CEP112: variants seen among roughly 807,000 people sequenced by gnomAD.
CEP112 encodes the protein centrosomal protein 112, also known as centrosomal protein of 112 kDa.
A neutral mutation model predicts 153.0 loss-of-function variants in CEP112; 127 were observed. The observed-to-expected ratio is 0.83, with a 90% CI of 0.72 to 0.96. CEP112 has a LOEUF of 0.96. Among genes scored for constraint, CEP112 ranks in the 40% least tolerant of loss-of-function variants. The pLI, the probability that CEP112 is intolerant of heterozygous loss-of-function variation, is 0.00. For missense variants in CEP112, 1,089 were observed against 1,101.2 expected (o/e 0.99, Z 0.16); for synonymous variants, 358 against 374.4 (o/e 0.96, Z 0.51).
chr17:65,954,372 C>A (rs2061937889), intron 18 of CEP112, among the ~76,000 whole-genome samples: 1 of 152,062 alleles, frequency 6.6e-6, no homozygotes, highest in Admixed American at 6.6e-5. Flanking sequence ...AGCAGCAAAC[C>A]CCAGATCTTC....
chr17:66,035,968 T>C (rs945818642), intron 12 of CEP112, among the ~76,000 whole-genome samples: 3 of 152,094 alleles, frequency 2.0e-5, no homozygotes, highest in African/African-American at 7.2e-5. Flanking sequence ...ACAATGTAAA[T>C]GTCCATGGAT....
chr17:65,681,437 G>C (rs1487556382), intron 24 of CEP112, among the ~76,000 whole-genome samples: 1 of 151,284 alleles, frequency 6.6e-6, no homozygotes, highest in Non-Finnish European at 1.5e-5. Flanking sequence ...TCTGCATCAA[G>C]ACGACTCTGA....
chr17:66,170,383 T>C (rs896539046), intron 4 of CEP112, among the ~76,000 whole-genome samples: 1 of 152,202 alleles, frequency 6.6e-6, no homozygotes, highest in African/African-American at 2.4e-5. Flanking sequence ...TATACATGCA[T>C]GAGATCTAAG....
At chr17:66,055,035 G>A (rs978672252) in intron 11 of CEP112, among the ~76,000 whole-genome samples, 1 of 152,148 alleles carries the variant, frequency 6.6e-6, no homozygotes, top group Non-Finnish European at 1.5e-5. Flanking sequence ...TGGGATTACA[G>A]GTGTGAGCCA....
intron 8 of CEP112, among the ~76,000 whole-genome samples, chr17:66,092,314 A>G (rs1179716084): frequency 1.3e-5 from 2 of 150,070 alleles, no homozygotes; most frequent in Non-Finnish European, 3.0e-5. Context: ...TGCTGGGATT[A>G]CAGGTGTGAG....
chr17:66,092,356 A>AACACACAC (rs3056819), intron 8 of CEP112, among the ~76,000 whole-genome samples: 27,690 of 134,890 alleles, frequency 0.21, 3,496 homozygotes, highest in African/African-American at 0.34. Context: ...CATTAATTTA[A>AACACACAC]ACACACACAC....
At chr17:65,761,982 G>A (rs2052642522) in intron 21 of CEP112, among the ~76,000 whole-genome samples, 2 of 152,200 alleles carry the variant, frequency 1.3e-5, no homozygotes, top group South Asian at 4.1e-4. Context: ...ATTTATGATA[G>A]TGGGTATTAA....
chr17:65,990,340 G>A (rs2063551439), intron 17 of CEP112, among the ~76,000 whole-genome samples: 1 of 152,200 alleles, frequency 6.6e-6, no homozygotes. Flanking sequence ...ACTCAGGTGA[G>A]CAATCACAGT....
At chr17:65,675,059 C>T (rs945826316) in intron 24 of CEP112, among the ~76,000 whole-genome samples, 6 of 152,184 alleles carry the variant, frequency 3.9e-5, no homozygotes, top group African/African-American at 1.4e-4. Flanking sequence ...ATGAGTTTAA[C>T]AGTAGGTTAG....
At chr17:65,801,234 AT>A (rs1568033866) in intron 21 of CEP112, among the ~76,000 whole-genome samples, 1 of 151,848 alleles carries the variant, frequency 6.6e-6, no homozygotes, top group Non-Finnish European at 1.5e-5. Flanking sequence ...AATATTTCTA[AT>A]TTTTGTAGAG....
At chr17:65,701,174 C>T (rs1471849046) in intron 23 of CEP112, among the ~76,000 whole-genome samples, 5 of 152,020 alleles carry the variant, frequency 3.3e-5, no homozygotes, top group Admixed American at 2.0e-4. Flanking sequence ...ATGATGGGCC[C>T]GGGGGAATGC....
chr17:66,050,409 TG>T (rs1296689500), intron 12 of CEP112, among the ~76,000 whole-genome samples: 9 of 152,172 alleles, frequency 5.9e-5, no homozygotes, highest in Admixed American at 2.6e-4. Flanking sequence ...CCAGTTGCCA[TG>T]GTAAAAACCT....
chr17:65,902,455 AT>A, intron 19 of CEP112, 121 bp from the exon 20 acceptor site: 1 of 655,846 alleles, frequency 1.5e-6, no homozygotes, highest in Non-Finnish European at 2.4e-6. Context: ...TTACATCATT[AT>A]TACCTCACCC....
chr17:65,727,479 A>G (rs1366638845), intron 23 of CEP112, among the ~76,000 whole-genome samples: 1 of 152,174 alleles, frequency 6.6e-6, no homozygotes, highest in Non-Finnish European at 1.5e-5. Flanking sequence ...GGCTGTTTTA[A>G]ATCAATCGCA....
At chr17:66,129,393 C>T (rs2065636695) in intron 6 of CEP112, among the ~76,000 whole-genome samples, 2 of 152,152 alleles carry the variant, frequency 1.3e-5, no homozygotes, top group African/African-American at 4.8e-5. Flanking sequence ...ACCCAAATGG[C>T]TGTGTTGCTT....
At chr17:65,738,797 A>T (rs1225089061) in intron 23 of CEP112, among the ~76,000 whole-genome samples, 2 of 152,190 alleles carry the variant, frequency 1.3e-5, no homozygotes, top group Admixed American at 1.3e-4. Context: ...TCCTCTTTGT[A>T]CTATTTTGTA....
rs370157484 is a variant in CEP112 at position 65,927,647 on chromosome 17, G to A, written c.1915C>T (p.Arg639Cys). ...EADLTRSKSL[R>C]EKQSKEFLWQ... The stretch of plus-strand genomic sequence containing the variant: ...AAAAACTCCTTTGATTGTTTCTCAC[G>A]AAGAGATTTGGATCTAGTTAGATCT... Residue 639 changes from arginine to cysteine, a missense_variant, in exon 19 of 27, where the codon CGT (arginine) becomes TGT (cysteine). Physicochemically the swap from Arg to Cys is radical, Grantham distance 180. Coordinates refer to ENST00000535342, the MANE Select transcript of CEP112 (RefSeq NM_001199165.4). The A allele has an allele frequency of 3.2e-5, 51 of 1,601,118 alleles. No homozygotes were observed. Among genetic ancestry groups the A allele is most frequent in the African/African-American group, 5.4e-5 (4 of 74,424 alleles).
Position 66,080,981 on chromosome 17 carries a change from C to T in CEP112, c.769-10980G>A, listed in dbSNP as rs1402632635. 4.0e-5 allele frequency among the ~76,000 whole-genome samples: 6 copies of T among 149,706 alleles called. No individual in the cohort carries two copies. The East Asian group carries it at 9.8e-4, about 24-fold the overall frequency. On this transcript the variant is annotated intron_variant, in intron 8 of 26. Coordinates refer to ENST00000535342, the MANE Select transcript of CEP112 (RefSeq NM_001199165.4). ...GAACAATGAGAACACATGGACACAGCGAGAGGAACATCACACACTGGGGAC... is the reference window on the plus strand; with the variant it reads ...GAACAATGAGAACACATGGACACAGTGAGAGGAACATCACACACTGGGGAC...
chr17:65,777,461 G>A (rs900369169), intron 21 of CEP112, among the ~76,000 whole-genome samples: 1 of 152,076 alleles, frequency 6.6e-6, no homozygotes, highest in Admixed American at 6.5e-5. Context: ...CATCTAAGCT[G>A]TCCCCCTGAG....
Sources: allele counts gnomAD v4.1 joint callset (sites outside exome capture counted in the v4.1 genomes callset), GRCh38; gene constraint gnomAD v4.1.1; transcripts MANE v1.5; gene names NCBI Gene and HGNC (gene_info 2026-07-23, HGNC 2026-07-21).